Variants in PRKCH observed in about 807,000 individuals in gnomAD.
PRKCH encodes protein kinase C eta type.
PRKCH carries 28 observed loss-of-function variants against 82.5 expected under a neutral mutation model. That is an observed-to-expected ratio of 0.34 (90% CI 0.25 to 0.47). The LOEUF (loss-of-function observed/expected upper bound fraction) is 0.47, where lower values mean the gene tolerates loss of function less well. Ranked by LOEUF, PRKCH falls within the 20% of genes least tolerant of loss-of-function variation. The pLI is 1.00. For synonymous variants in PRKCH, 322 were observed against 327.4 expected (o/e 0.98, Z 0.18); for missense variants, 705 against 881.8 (o/e 0.80, Z 2.54).
chr14:61,429,794 T>C (rs1883297383), intron 2 of PRKCH, among the ~76,000 whole-genome samples: 2 of 151,474 alleles, frequency 1.3e-5, no homozygotes, highest in East Asian at 1.9e-4. Flanking sequence ...TATTAAAATT[T>C]AACTAGTTTC....
intron 1 of PRKCH, among the ~76,000 whole-genome samples, chr14:61,324,434 C>T (rs2045669254): frequency 1.3e-5 from 2 of 152,080 alleles, no homozygotes; most frequent in Admixed American, 1.3e-4. Context: ...CGTTTGCATG[C>T]ATCAGAAGGC....
At chr14:61,219,647 C>T (rs940275214) in intron 1 of PRKCH, among the ~76,000 whole-genome samples, 2 of 152,120 alleles carry the variant, frequency 1.3e-5, no homozygotes, top group African/African-American at 4.8e-5. Context: ...GTTTTGTTAA[C>T]CTACTAGTTA....
At chr14:61,294,930 T>C (rs1245903913) in intron 1 of PRKCH, among the ~76,000 whole-genome samples, 2 of 152,198 alleles carry the variant, frequency 1.3e-5, no homozygotes, top group Non-Finnish European at 2.9e-5. Flanking sequence ...TGGAGTGCAG[T>C]GGTGCGATCT....
chr14:61,530,368 A>T, intron 11 of PRKCH, 39 bp from the exon 12 acceptor site: 2 of 1,463,202 alleles, frequency 1.4e-6, no homozygotes, highest in South Asian at 1.5e-5. Context: ...TGTTAATCTG[A>T]TGTATGAACC....
chr14:61,246,776 CAG>C (rs2044887676), intron 1 of PRKCH, among the ~76,000 whole-genome samples: 2 of 152,184 alleles, frequency 1.3e-5, no homozygotes, highest in South Asian at 4.2e-4. Flanking sequence ...TTTATAGAGA[CAG>C]AGTCTCCCTA....
intron 1 of PRKCH, among the ~76,000 whole-genome samples, chr14:61,189,845 G>A (rs7146969): frequency 6.6e-6 from 1 of 151,758 alleles, no homozygotes; most frequent in South Asian, 2.1e-4. Context: ...CCCAAGCCAG[G>A]TCAGTGAAAC....
intron 2 of PRKCH, among the ~76,000 whole-genome samples, chr14:61,434,506 G>A (rs187233622): frequency 8.6e-4 from 131 of 152,286 alleles, no homozygotes; most frequent in Non-Finnish European, 1.4e-3. Context: ...CCTTTTTATG[G>A]ATGACGTCAA....
chr14:61,285,841 C>T (rs2045309865), intron 1 of PRKCH, among the ~76,000 whole-genome samples: 1 of 152,138 alleles, frequency 6.6e-6, no homozygotes, highest in Non-Finnish European at 1.5e-5. Flanking sequence ...TGGCATATTT[C>T]CTCCTCAAAA....
intron 1 of PRKCH, among the ~76,000 whole-genome samples, chr14:61,219,737 TCATTAAGAG>T (rs1291942250): frequency 2.0e-5 from 3 of 152,208 alleles, no homozygotes; most frequent in Admixed American, 6.5e-5. Context: ...CTAACTGTAA[TCATTAAGAG>T]CATTGTGTCA....
At chr14:61,432,964 A>G (rs1883482615) in intron 2 of PRKCH, among the ~76,000 whole-genome samples, 2 of 145,462 alleles carry the variant, frequency 1.4e-5, no homozygotes, top group South Asian at 4.3e-4. Context: ...TTTGTTACAT[A>G]AGTATACGTG....
intron 1 of PRKCH, among the ~76,000 whole-genome samples, chr14:61,329,216 T>A (rs2045746354): frequency 7.1e-6 from 1 of 140,322 alleles, no homozygotes; most frequent in Non-Finnish European, 1.5e-5. Context: ...TCCACTGCTC[T>A]TAGATAAACT....
intron 2 of PRKCH, among the ~76,000 whole-genome samples, chr14:61,397,514 A>C (rs2046804634): frequency 6.6e-6 from 1 of 152,264 alleles, no homozygotes; most frequent in African/African-American, 2.4e-5. Flanking sequence ...GCTGACCAGC[A>C]GCAGAACTCT....
intron 1 of PRKCH, among the ~76,000 whole-genome samples, chr14:61,290,117 C>A (rs2045347649): frequency 6.6e-6 from 1 of 152,060 alleles, no homozygotes; most frequent in South Asian, 2.1e-4. Context: ...TATGGTGAAA[C>A]CCTGTCTCTA....
chr14:61,476,768 C>G (rs556165960), intron 9 of PRKCH, among the ~76,000 whole-genome samples: 1 of 152,296 alleles, frequency 6.6e-6, no homozygotes, highest in South Asian at 2.1e-4. Flanking sequence ...AGTCTCAGCT[C>G]AGACAGGATG....
chr14:61,213,091 G>A (rs960660384), intron 1 of PRKCH, among the ~76,000 whole-genome samples: 8 of 152,132 alleles, frequency 5.3e-5, no homozygotes, highest in Non-Finnish European at 1.0e-4. Context: ...GGGGAGGAGG[G>A]CCCTTGTCTC....
At chr14:61,322,615 G>A in intron 1 of PRKCH, 151 bp downstream of exon 1, 1 of 1,139,348 alleles carries the variant, frequency 8.8e-7, no homozygotes, top group Non-Finnish European at 1.2e-6. Flanking sequence ...CCGCGGCACT[G>A]GTGACGCGAC....
Position 61,357,214 on chromosome 14 carries a change from G to T in PRKCH, c.364-34011G>T, listed in dbSNP as rs1348986282. On this transcript the variant is annotated intron_variant, in intron 1 of 13. Coordinates refer to ENST00000332981, the MANE Select transcript of PRKCH (RefSeq NM_006255.5). ...TCCAAGCTATACTGGGCAGGTTGGT[G>T]CTGCCCGTTTCTCCCATGCTATTTA... Among the ~76,000 whole-genome samples, 4 of 152,192 alleles carry T rather than the reference G, an allele frequency of 2.6e-5. No individual in the cohort carries two copies. In the East Asian group the frequency reaches 7.7e-4, roughly 29 times the overall value.
At position 61,280,876 on chromosome 14, in the gene PRKCH, G is replaced by T. The variant is rs137950125; in HGVS notation, c.-19+93208G>T. ...CGAGAAGTACCAGGCGCACGAGCAGGGGGGCGGCAGCGCCCGGCCCTGGCC... is the reference window on the plus strand; with the variant it reads ...CGAGAAGTACCAGGCGCACGAGCAGTGGGGCGGCAGCGCCCGGCCCTGGCC... On this transcript the variant is annotated intron_variant, in intron 1 of 3. Coordinates refer to the PRKCH transcript ENST00000555185. This position sits in a 1 kb window ranked among gnomAD's most constrained non-coding sequence, Gnocchi z 5.0. 3.2e-6 allele frequency: 5 copies of T among 1,563,232 alleles called. No individual in the cohort carries two copies. The East Asian group carries it at 9.2e-5, about 29-fold the overall frequency.
intron 1 of PRKCH, among the ~76,000 whole-genome samples, chr14:61,241,191 A>G (rs1043611322): frequency 6.6e-6 from 1 of 152,192 alleles, no homozygotes. Context: ...ACTACAAAGG[A>G]CACAGATAAA....
Sources: allele counts gnomAD v4.1 joint callset (sites outside exome capture counted in the v4.1 genomes callset), GRCh38; gene constraint gnomAD v4.1.1; non-coding constraint Gnocchi (gnomAD v3.1); transcripts MANE v1.5; gene names NCBI Gene and HGNC (gene_info 2026-07-23, HGNC 2026-07-21).